The following RPH3AL variants were observed in gnomAD, a reference collection of about 807,000 sequenced individuals.
The protein encoded by RPH3AL is rabphilin 3A like (without C2 domains), also known as rab effector Noc2.
Under a neutral mutation model 43.1 loss-of-function variants are expected in RPH3AL, and 38 were observed. The observed-to-expected ratio is 0.88, with a 90% CI of 0.68 to 1.15. The LOEUF (loss-of-function observed/expected upper bound fraction) is 1.15, where lower values mean the gene tolerates loss of function less well. Ranked by LOEUF, RPH3AL falls within the 50% of genes most tolerant of loss-of-function variation. RPH3AL has a pLI of 0.00. For missense variants in RPH3AL, 462 were observed against 423.2 expected (o/e 1.09, Z -0.81); for synonymous variants, 189 against 176.3 (o/e 1.07, Z -0.57).
intron 7 of RPH3AL, among the ~76,000 whole-genome samples, chr17:221,400 A>G (rs1555530894): frequency 7.3e-4 from 98 of 134,768 alleles, no homozygotes; most frequent in African/African-American, 2.8e-3. Context: ...CCCAAGAACA[A>G]CAGCTCTGAG....
chr17:250,117 C>CACT (rs1567584595), intron 6 of RPH3AL, among the ~76,000 whole-genome samples: 5,757 of 147,840 alleles, frequency 0.039, 650 homozygotes, highest in Non-Finnish European at 0.059. Flanking sequence ...TAAGCTCCAT[C>CACT]GCTGCGGGAC....
At chr17:286,063 G>A (rs545517769) in intron 5 of RPH3AL, among the ~76,000 whole-genome samples, 18 of 152,280 alleles carry the variant, frequency 1.2e-4, no homozygotes, top group Admixed American at 2.6e-4. Flanking sequence ...GGGGGTGCTC[G>A]GCTGCCCTGT....
At chr17:242,287 C>T (rs940729268) in intron 7 of RPH3AL, among the ~76,000 whole-genome samples, 1 of 131,120 alleles carries the variant, frequency 7.6e-6, no homozygotes, top group Non-Finnish European at 1.7e-5. Flanking sequence ...TATTGACTAC[C>T]TTCCTCTATT....
At chr17:252,806 T>G (rs7209688) in intron 6 of RPH3AL, among the ~76,000 whole-genome samples, 110,784 of 152,130 alleles carry the variant, frequency 0.73, 40,602 homozygotes, top group African/African-American at 0.79. Flanking sequence ...TGCATTATAC[T>G]TAACCAGTTC....
intron 6 of RPH3AL, among the ~76,000 whole-genome samples, chr17:259,568 T>C (rs536759646): frequency 1.5e-3 from 234 of 152,260 alleles, no homozygotes; most frequent in Non-Finnish European, 2.1e-3. Flanking sequence ...ACCCCGCAGA[T>C]TGAAAATCAG....
At chr17:313,424 T>C (rs1241643472) in intron 5 of RPH3AL, among the ~76,000 whole-genome samples, 4 of 152,236 alleles carry the variant, frequency 2.6e-5, no homozygotes, top group African/African-American at 9.6e-5. Context: ...GATGCCACCA[T>C]GTGCCCCTTG....
At chr17:239,938 T>C (rs1375664636) in intron 7 of RPH3AL, among the ~76,000 whole-genome samples, 1 of 152,212 alleles carries the variant, frequency 6.6e-6, no homozygotes, top group African/African-American at 2.4e-5. Context: ...CTACCCTTGC[T>C]ATTAGAAAGA....
At chr17:343,961 C>A (rs77138481) in intron 1 of RPH3AL, among the ~76,000 whole-genome samples, 2 of 88,130 alleles carry the variant, frequency 2.3e-5, no homozygotes, top group African/African-American at 6.5e-5. Flanking sequence ...ACCATCATCA[C>A]CATCAGTCAT....
chr17:262,502 C>T (rs552393640), intron 6 of RPH3AL, among the ~76,000 whole-genome samples: 5 of 152,182 alleles, frequency 3.3e-5, no homozygotes, highest in South Asian at 4.2e-4. Context: ...GCGTGAGCCA[C>T]CGCACCCGGC....
Position 290,241 on chromosome 17 carries a change from T to C in RPH3AL, c.352-8387A>G, listed in dbSNP as rs9912795. Among the ~76,000 whole-genome samples, 47,463 of 152,060 alleles carry C rather than the reference T, an allele frequency of 0.31. 7,611 individuals carry two copies. Among genetic ancestry groups the C allele is most frequent in the Middle Eastern group, 0.4 (118 of 294 alleles). On this transcript the variant is annotated intron_variant, in intron 5 of 9. Transcript: ENST00000331302. This position sits in a 1 kb window ranked among gnomAD's most constrained non-coding sequence, Gnocchi z 4.2. ...CATTGAGTGATGCTGACCAGCAGGA[T>C]TGTGGGAGGCCAAACCAGGGAGAGC...
chr17:237,029 A>G (rs1431760161), intron 7 of RPH3AL, among the ~76,000 whole-genome samples: 1 of 152,104 alleles, frequency 6.6e-6, no homozygotes, highest in Non-Finnish European at 1.5e-5. Context: ...GTTAGCGGCC[A>G]TGAGTCACAG....
At chr17:220,635 T>A (rs1158967904) in intron 7 of RPH3AL, among the ~76,000 whole-genome samples, 49 of 29,890 alleles carry the variant, frequency 1.6e-3, no homozygotes, top group Admixed American at 2.9e-3. Flanking sequence ...CCCAAGCACA[T>A]CAGCTCTGAG....
intron 3 of RPH3AL, among the ~76,000 whole-genome samples, chr17:325,570 G>C (rs548426706): frequency 2.6e-5 from 4 of 152,250 alleles, no homozygotes; most frequent in East Asian, 3.9e-4. Flanking sequence ...TCCCAGTGTA[G>C]GCAGCACACT....
intron 7 of RPH3AL, among the ~76,000 whole-genome samples, chr17:233,675 C>T (rs138397875): frequency 1.7e-3 from 252 of 152,344 alleles, no homozygotes; most frequent in African/African-American, 5.8e-3. Flanking sequence ...GCAACAGGCA[C>T]CCCTATTGGT....
At chr17:301,933 T>C (rs2043339171) in intron 5 of RPH3AL, among the ~76,000 whole-genome samples, 1 of 152,134 alleles carries the variant, frequency 6.6e-6, no homozygotes. Context: ...CTGGGGGCCA[T>C]GAGGGACACA....
Position 273,922 on chromosome 17 carries a change from A to AC in RPH3AL, c.438+7845dup, listed in dbSNP as rs921215904. On this transcript the variant is annotated intron_variant, in intron 6 of 9. Transcript: ENST00000331302. ...GGTCTTCTTCACCCCTTTCTAGGCC[A>AC]CCCCCCCTCAGATAACATCTGTGTC... is the stretch of plus-strand genomic sequence containing the variant. 1.2e-4 allele frequency among the ~76,000 whole-genome samples: 18 copies of AC among 151,552 alleles called. 1 individual carries two copies. Among genetic ancestry groups the AC allele is most frequent in the Middle Eastern group, 3.4e-3 (1 of 294 alleles).
intron 6 of RPH3AL, among the ~76,000 whole-genome samples, chr17:273,334 G>C (rs2042561422): frequency 2.0e-5 from 2 of 99,702 alleles, no homozygotes; most frequent in African/African-American, 6.5e-5. Context: ...GTCAGGGAGA[G>C]ACCCCAGCGA....
intron 7 of RPH3AL, among the ~76,000 whole-genome samples, chr17:242,269 CCTTCCTCTATTGACTA>C (rs2041561542): frequency 1.5e-5 from 2 of 130,064 alleles, no homozygotes; most frequent in African/African-American, 5.6e-5. Flanking sequence ...CTATTGATTA[CCTTCCTCTATTGACTA>C]CCTTCCTCTA....
intron 6 of RPH3AL, among the ~76,000 whole-genome samples, chr17:276,740 C>T (rs2042664995): frequency 6.6e-6 from 1 of 152,156 alleles, no homozygotes; most frequent in Non-Finnish European, 1.5e-5. Flanking sequence ...ACATTATCAT[C>T]TCTTTCACCA....
Sources: gnomAD v4.1 joint callset for allele counts (sites outside exome capture counted in the v4.1 genomes callset) on GRCh38, gnomAD v4.1.1 for gene constraint, Gnocchi (gnomAD v3.1) non-coding constraint, MANE v1.5 for transcripts, NCBI Gene and HGNC (gene_info 2026-07-23, HGNC 2026-07-21) for gene names.